GLI1: variants seen among roughly 807,000 people sequenced by gnomAD.
The protein encoded by GLI1 is GLI family zinc finger 1.
In GLI1, 51 loss-of-function variants were observed where a neutral mutation model predicts 87.8. The observed-to-expected ratio is 0.58, with a 90% confidence interval of 0.46 to 0.73. The LOEUF (loss-of-function observed/expected upper bound fraction) is 0.73, where lower values mean the gene tolerates loss of function less well. Among genes scored for constraint, GLI1 ranks in the 30% least tolerant of loss-of-function variants. The pLI is 0.00. For missense variants in GLI1, 1,292 were observed against 1,437.2 expected (o/e 0.90, Z 1.63); for synonymous variants, 528 against 558.2 (o/e 0.95, Z 0.76).
Position 57,472,056 on chromosome 12 carries a change from G to A in GLI1, c.3316G>A (p.Ala1106Thr), listed in dbSNP as rs1409856982. The A allele has an allele frequency of 2.7e-6, 4 of 1,489,198 alleles. No individual in the cohort carries two copies. The highest frequency in any genetic ancestry group is 4.8e-5 in the East Asian group (2 of 41,966). 92.2% of individuals were successfully genotyped at this position (1,489,198 alleles called of 1,614,324 possible). A position where few individuals can be genotyped will look rare whatever the true frequency, so the allele number is the denominator to read the frequency against. ...PGETEFLNSSA is the reference protein window; with the variant it reads ...PGETEFLNSST ...GGAAACAGAATTCCTCAACTCTAGT[G>A]CCTAAAGAGTAGGGAATCTCATCCA... Residue 1106 changes from alanine to threonine, a missense_variant, in exon 12 of 12, where the codon GCC (alanine) becomes ACC (threonine). By Grantham distance (58) the Ala-to-Thr change is moderately conservative (BLOSUM62 0). Transcript: ENST00000228682.
Position 57,470,926 on chromosome 12 carries a change from C to T in GLI1, c.2186C>T (p.Thr729Ile). 6.2e-7 allele frequency: 1 copy of T among 1,614,006 alleles called. No individual in the cohort carries two copies. Among genetic ancestry groups the T allele is most frequent in the Non-Finnish European group, 8.5e-7 (1 of 1,179,932 alleles). Residue 729 changes from threonine to isoleucine, a missense_variant, in exon 12 of 12, where the codon ACT (threonine) becomes ATT (isoleucine). Physicochemically the swap from Thr to Ile is moderately conservative, Grantham distance 89. Around this residue, in one of 3 missense-constraint regions of GLI1, gnomAD observed 897 missense variants for 1,040.7 expected, o/e 0.86. Coordinates refer to ENST00000228682, the MANE Select transcript of GLI1 (RefSeq NM_005269.3). Reference sequence around the variant, plus strand: ...TATATGGACTTCCCACCTACTGATACTCTGGGATATGGGGGACCTGAAGGG... The same window carrying T: ...TATATGGACTTCCCACCTACTGATATTCTGGGATATGGGGGACCTGAAGGG... ...NPYMDFPPTDTLGYGGPEGAA... is the reference protein window; with the variant it reads ...NPYMDFPPTDILGYGGPEGAA...
At chr12:57,464,243 G>A in intron 3 of GLI1, 152 bp downstream of exon 3, 3 of 654,214 alleles carry the variant, frequency 4.6e-6, no homozygotes, top group East Asian at 2.7e-5. Context: ...ATGGGGCCGG[G>A]CGCGGTGGCT....
In GLI1 at chr12:57,463,796, G is replaced by C; in HGVS notation, c.100+5G>C. 6.6e-7 allele frequency: 1 copy of C among 1,520,136 alleles called. No homozygotes were observed. The highest frequency in any genetic ancestry group is 2.2e-5 in the East Asian group (1 of 44,478). 94.2% of individuals were successfully genotyped at this position (1,520,136 alleles called of 1,614,324 possible). On this transcript the variant is annotated splice_donor_5th_base_variant and intron_variant, in intron 2 of 11. Coordinates refer to ENST00000228682, the MANE Select transcript of GLI1 (RefSeq NM_005269.3). ...CCCCCAGTGTGGGGACAGAAGGTCA[G>C]TGTATATACCAATCCCTGGGCCTTG...
rs1871802857 is a variant in GLI1, at chr12:57,470,438, C to T, written c.1698C>T (p.Pro566=). 6.2e-7 allele frequency: 1 copy of T among 1,614,198 alleles called. No homozygotes were observed. The highest frequency in any genetic ancestry group is 8.5e-7 in the Non-Finnish European group (1 of 1,180,010). Residue 566 remains proline (P), a synonymous_variant, in exon 12 of 12, where the codon CCC becomes CCT. Coordinates refer to ENST00000228682, the MANE Select transcript of GLI1 (RefSeq NM_005269.3). ...GCTCCTCCCTGGCCTCTCCTTTCCCCCCTGGCTCCCCACCAGAGAATGGAG... is the reference window on the plus strand; with the variant it reads ...GCTCCTCCCTGGCCTCTCCTTTCCCTCCTGGCTCCCCACCAGAGAATGGAG... The part of the protein sequence containing the change: ...SRRSSLASPF[P]PGSPPENGAS...
At position 57,470,944 on chromosome 12, in the gene GLI1, C is replaced by A; in HGVS notation, c.2204C>A (p.Pro735His). The change falls in exon 12 of 12, where the codon CCT becomes CAT. Residue 735 changes from proline to histidine, a missense_variant. Transcript: ENST00000228682. ...PPTDTLGYGG[P>H]EGAAAEPYGA... is the part of the protein sequence containing the mutation. ...ACTGATACTCTGGGATATGGGGGACCTGAAGGGGCAGCAGCTGAGCCTTAT... is the reference window on the plus strand; with the variant it reads ...ACTGATACTCTGGGATATGGGGGACATGAAGGGGCAGCAGCTGAGCCTTAT... 6.2e-7 allele frequency: 1 copy of A among 1,614,002 alleles called. No individual in the cohort carries two copies. The highest frequency in any genetic ancestry group is 8.5e-7 in the Non-Finnish European group (1 of 1,179,956).
chr12:57,468,754 A>C (rs1266156716), intron 10 of GLI1, among the ~76,000 whole-genome samples: 1 of 146,150 alleles, frequency 6.8e-6, no homozygotes, highest in African/African-American at 2.6e-5. Flanking sequence ...CATCCAACCC[A>C]AACTCTTTCT....
At position 57,469,402 on chromosome 12, in the gene GLI1, G is replaced by A. The variant is rs528538166; in HGVS notation, c.1309-29G>A. On this transcript the variant is annotated intron_variant, in intron 10 of 11. Transcript: ENST00000228682. ...AGTTGAAGGAGCTGTGGGGAAGGGT[G>A]TTGCCCTCAGACCTCATCTTCTCCA... is the stretch of plus-strand genomic sequence containing the variant. 5.0e-6 allele frequency: 8 copies of A among 1,607,402 alleles called. No homozygotes were observed. In the East Asian group the frequency reaches 1.8e-4, roughly 36 times the overall value.
Position 57,467,436 on chromosome 12 carries a change from G to A in GLI1, c.1016G>A (p.Ser339Asn). ...TACATGTGTGAGCACGAGGGCTGCA[G>A]TAAAGCCTTCAGCAATGCCAGTGAC... Reference protein sequence around the residue: ...KPYMCEHEGCSKAFSNASDRA... With the variant: ...KPYMCEHEGCNKAFSNASDRA... The change falls in exon 9 of 12, where the codon AGT (serine) becomes AAT (asparagine). Residue 339 changes from serine (S) to asparagine (N), a missense_variant. Physicochemically the swap from Ser to Asn is conservative, Grantham distance 46 (BLOSUM62 1). This residue lies in a region of GLI1 where 897 missense variants were observed against 1,040.7 expected (regional missense o/e 0.86). Coordinates refer to ENST00000228682, the MANE Select transcript of GLI1 (RefSeq NM_005269.3). The A allele has an allele frequency of 6.2e-7, 1 of 1,612,516 alleles. No individual in the cohort carries two copies. The highest frequency in any genetic ancestry group is 1.3e-5 in the African/African-American group (1 of 75,008).
chr12:57,467,702 G>C (rs892177064), intron 9 of GLI1, among the ~76,000 whole-genome samples: 7 of 152,132 alleles, frequency 4.6e-5, no homozygotes, highest in Admixed American at 3.9e-4. Context: ...CCAGCCAAAA[G>C]GCTAACCTAA....
At chr12:57,461,165 C>G (rs977036256) in intron 1 of GLI1, among the ~76,000 whole-genome samples, 1 of 152,184 alleles carries the variant, frequency 6.6e-6, no homozygotes, top group Non-Finnish European at 1.5e-5. Context: ...AAAGGGGACC[C>G]CGTAGAGCCT....
In GLI1 at chr12:57,466,408, A is replaced by AAGTCC; in HGVS notation, c.912+22_912+26dup. Reference sequence around the variant, plus strand: ...GTGCACGGTGAGGCACCAGTGTCCCAAGTCCAGGGTCTCTTCCTAAATCAG... The same window carrying AAGTCC: ...GTGCACGGTGAGGCACCAGTGTCCCAAGTCCAGTCCAGGGTCTCTTCCTAAATCAG... On this transcript the variant is annotated intron_variant, in intron 8 of 11. Coordinates refer to ENST00000228682, the MANE Select transcript of GLI1 (RefSeq NM_005269.3). 1 of 1,599,950 alleles carries AAGTCC rather than the reference A, an allele frequency of 6.3e-7. No individual in the cohort carries two copies. Among genetic ancestry groups the AAGTCC allele is most frequent in the Non-Finnish European group, 8.5e-7 (1 of 1,170,594 alleles).
intron 7 of GLI1, 96 bp downstream of exon 7, chr12:57,466,021 G>A: frequency 7.9e-7 from 1 of 1,260,714 alleles, no homozygotes; most frequent in Non-Finnish European, 1.1e-6. Flanking sequence ...GAGGTCAGAG[G>A]AGACTGAGGT....
rs1871296722 is a variant in GLI1 at position 57,463,726 on chromosome 12, G to C, written c.35G>C (p.Ser12Thr). 6.2e-7 allele frequency: 1 copy of C among 1,612,406 alleles called. No individual in the cohort carries two copies. Among genetic ancestry groups the C allele is most frequent in the Non-Finnish European group, 8.5e-7 (1 of 1,179,714 alleles). ...TCGATGACCCCACCACCAATCAGTAGCTATGGCGAGCCCTGCTGTCTCCGG... is the reference window on the plus strand; with the variant it reads ...TCGATGACCCCACCACCAATCAGTACCTATGGCGAGCCCTGCTGTCTCCGG... ...FNSMTPPPIS[S>T]YGEPCCLRPL... Residue 12 changes from serine to threonine, a missense_variant, in exon 2 of 12, where the codon AGC becomes ACC. Coordinates refer to ENST00000228682, the MANE Select transcript of GLI1 (RefSeq NM_005269.3).
At chr12:57,464,379 G>A (rs545392292) in intron 3 of GLI1, among the ~76,000 whole-genome samples, 1 of 152,224 alleles carries the variant, frequency 6.6e-6, no homozygotes, top group East Asian at 1.9e-4. Context: ...AAAATTAGCC[G>A]GGCGTGGTGG....
chr12:57,469,629 C>T lies in GLI1; in HGVS notation c.1507C>T (p.Leu503=), dbSNP rs763858681. The change falls in exon 11 of 12, where the codon CTG becomes TTG. Residue 503 remains leucine (L), a synonymous_variant. Transcript: ENST00000228682. ...TCTTCGCCGCCTTGAGAACCTCAGG[C>T]TGGACCAGCTACATCAACTCCGGCC... The part of the protein sequence containing the change: ...STLRRLENLR[L]DQLHQLRPIG... 4 of 1,614,106 alleles carry T rather than the reference C, an allele frequency of 2.5e-6. No individual in the cohort carries two copies. The highest frequency in any genetic ancestry group is 3.3e-5 in the Admixed American group (2 of 60,024).
In GLI1 at chr12:57,460,149, A is replaced by G. The variant is rs1028790908; in HGVS notation, c.-80A>G. 2.7e-5 allele frequency: 4 copies of G among 149,878 alleles called. No homozygotes were observed. Among genetic ancestry groups the G allele is most frequent in the East Asian group, 2.0e-4 (1 of 4,884 alleles). 9.3% of individuals were successfully genotyped at this position (149,878 alleles called of 1,614,324 possible). A position where few individuals can be genotyped will look rare whatever the true frequency, so the allele number is the denominator to read the frequency against. ...CCCCCCTCCCCACCGCACACCCCCC[A>G]GCCCAGACTCCAGCCCTGGACCGCG... is the stretch of plus-strand genomic sequence containing the variant. On this transcript the variant is annotated 5_prime_UTR_variant, in exon 1 of 12. Coordinates refer to ENST00000228682, the MANE Select transcript of GLI1 (RefSeq NM_005269.3).
intron 8 of GLI1, 146 bp from the exon 9 acceptor site, chr12:57,467,187 C>T (rs1404759824): frequency 1.7e-6 from 1 of 600,000 alleles, no homozygotes; most frequent in East Asian, 2.9e-5. Context: ...GCCCTTGTCC[C>T]CTAGTTTTGG....
At chr12:57,461,823 G>C (rs1036577476) in intron 1 of GLI1, among the ~76,000 whole-genome samples, 3 of 152,198 alleles carry the variant, frequency 2.0e-5, no homozygotes, top group African/African-American at 4.8e-5. Flanking sequence ...TGGGGAGCGG[G>C]GGTGCGAGGG....
Position 57,467,399 on chromosome 12 carries a change from G to C in GLI1, c.979G>C (p.Gly327Arg), listed in dbSNP as rs1871565333. The C allele has an allele frequency of 6.2e-7, 1 of 1,612,940 alleles. No individual in the cohort carries two copies. Residue 327 changes from glycine (G) to arginine (R), a missense_variant, in exon 9 of 12, where the codon GGT (glycine) becomes CGT (arginine). By Grantham distance (125) the Gly-to-Arg change is moderately radical. This residue lies in a region of GLI1 where 897 missense variants were observed against 1,040.7 expected (regional missense o/e 0.86). Transcript: ENST00000228682. The stretch of plus-strand genomic sequence containing the variant: ...GAAGACGCACCTGCGGTCACACACG[G>C]GTGAGAAGCCATACATGTGTGAGCA... ...NLKTHLRSHTGEKPYMCEHEG... is the reference protein window; with the variant it reads ...NLKTHLRSHTREKPYMCEHEG...
Sources: allele counts gnomAD v4.1 joint callset (sites outside exome capture counted in the v4.1 genomes callset), GRCh38; gene constraint gnomAD v4.1.1; regional missense constraint gnomAD v4.1.1; transcripts MANE v1.5; gene names NCBI Gene and HGNC (gene_info 2026-07-23, HGNC 2026-07-21).